The following SULT6B1 variants were observed in gnomAD, a reference collection of about 807,000 sequenced individuals.
SULT6B1 encodes sulfotransferase family 6B member 1.
In SULT6B1, 44 loss-of-function variants were observed where a neutral mutation model predicts 37.2. That is an observed-to-expected ratio of 1.18 (90% confidence interval 0.93 to 1.52). The LOEUF is 1.52. Among genes scored for constraint, SULT6B1 ranks in the 40% most tolerant of loss-of-function variants. SULT6B1 has a pLI of 0.00. For missense variants in SULT6B1, 450 were observed against 361.0 expected, an observed-to-expected ratio of 1.25 and a Z score of -2.00; for synonymous variants, 140 against 126.0, an observed-to-expected ratio of 1.11 and a Z score of -0.74.
chr2:37,171,678 C>T, intron 5 of SULT6B1, 88 bp from the exon 6 acceptor site: 1 of 1,255,974 alleles, frequency 8.0e-7, no homozygotes, highest in Non-Finnish European at 1.1e-6. Flanking sequence ...CAGAGTTATT[C>T]AGCCTAACTC....
chr2:37,169,634 G>A (rs919941537), intron 6 of SULT6B1, among the ~76,000 whole-genome samples: 28 of 152,096 alleles, frequency 1.8e-4, no homozygotes, highest in Non-Finnish European at 3.1e-4. Flanking sequence ...AATTACAGGC[G>A]CCCGCCACCA....
At chr2:37,189,667 G>C (rs1023395071), upstream of SULT6B1, among the ~76,000 whole-genome samples, 29 of 152,152 alleles carry the variant, frequency 1.9e-4, no homozygotes, top group African/African-American at 6.0e-4. Context: ...CCCCCAGAAG[G>C]TCATACTACG....
At chr2:37,193,001 T>G (rs993599786), upstream of SULT6B1, among the ~76,000 whole-genome samples, 2 of 152,190 alleles carry the variant, frequency 1.3e-5, no homozygotes, top group Non-Finnish European at 2.9e-5. Flanking sequence ...TGAACTGTCA[T>G]ACGTATGAGT....
intron 5 of SULT6B1, among the ~76,000 whole-genome samples, chr2:37,174,543 C>G (rs1358115627): frequency 6.6e-6 from 1 of 152,274 alleles, no homozygotes; most frequent in African/African-American, 2.4e-5. Context: ...TTCCCCGTGC[C>G]TGGCCCCCCA....
upstream of SULT6B1, among the ~76,000 whole-genome samples, chr2:37,193,463 A>T (rs1676822718): frequency 6.6e-6 from 1 of 151,868 alleles, no homozygotes; most frequent in South Asian, 2.1e-4. Flanking sequence ...CTCTGTCTCA[A>T]AATATAATAA....
Position 37,175,163 on chromosome 2 carries a change from A to C in SULT6B1, c.593T>G (p.Val198Gly). ...NWNKHLDGDN[V>G]KFILYEDLKE... Reference sequence around the variant, plus strand: ...CAGGTCTTCATATAATATGAACTTAACATTGTCGCCATCAAGATGTTTGTT... The same window carrying C: ...CAGGTCTTCATATAATATGAACTTACCATTGTCGCCATCAAGATGTTTGTT... The change falls in exon 5 of 7, where the codon GTT becomes GGT. Residue 198 changes from valine to glycine, a missense_variant. Val to Gly is a moderately radical substitution (Grantham distance 109, BLOSUM62 -3). Transcript: ENST00000535679. 1.3e-6 allele frequency: 2 copies of C among 1,562,242 alleles called. No homozygotes were observed. The highest frequency in any genetic ancestry group is 1.7e-6 in the Non-Finnish European group (2 of 1,152,750).
chr2:37,177,281 T>C (rs1676450603), intron 4 of SULT6B1, among the ~76,000 whole-genome samples: 1 of 150,958 alleles, frequency 6.6e-6, no homozygotes, highest in Non-Finnish European at 1.5e-5. Context: ...AAAAATCAGC[T>C]GCGCATGGTG....
At chr2:37,179,237 C>T (rs932616897) in intron 4 of SULT6B1, among the ~76,000 whole-genome samples, 11 of 152,168 alleles carry the variant, frequency 7.2e-5, no homozygotes, top group Admixed American at 5.9e-4. Flanking sequence ...GGATTACAGG[C>T]GTGAGCCACC....
chr2:37,169,655 G>A lies in SULT6B1; in HGVS notation c.782-1590C>T, dbSNP rs565812458. ...AGGCGCCCGCCACCACGTCCAGCCC[G>A]AGCTAATTTTTATATTTTTGGTAGA... On this transcript the variant is annotated intron_variant, in intron 6 of 6. Transcript: ENST00000535679. 1.2e-4 allele frequency among the ~76,000 whole-genome samples: 18 copies of A among 152,010 alleles called. No homozygotes were observed. In the East Asian group the frequency reaches 2.7e-3, roughly 23 times the overall value.
chr2:37,168,803 C>T (rs577197793), intron 6 of SULT6B1, among the ~76,000 whole-genome samples: 24 of 152,262 alleles, frequency 1.6e-4, no homozygotes, highest in Middle Eastern at 3.4e-3. Flanking sequence ...CTGGCTGTTA[C>T]CAGTAAAGAA....
chr2:37,181,163 GTCT>G lies in SULT6B1; in HGVS notation c.403-1582_403-1580del, dbSNP rs1558448764. 9.9e-5 allele frequency among the ~76,000 whole-genome samples: 15 copies of G among 152,210 alleles called. No homozygotes were observed. In the East Asian group the frequency reaches 2.9e-3, roughly 29 times the overall value. ...GTAGAGATCAATGGGTCTGGGTCTT[GTCT>G]TGTACTTAGATCTAACACTCTTCCC... is the stretch of plus-strand genomic sequence containing the variant. On this transcript the variant is annotated intron_variant, in intron 3 of 6. Coordinates refer to ENST00000535679, the MANE Select transcript of SULT6B1 (RefSeq NM_001367551.1).
Position 37,175,168 on chromosome 2 carries a change from G to A in SULT6B1, c.588C>T (p.Asp196=). 1 of 1,563,978 alleles carries A rather than the reference G, an allele frequency of 6.4e-7. No individual in the cohort carries two copies. Among genetic ancestry groups the A allele is most frequent in the Non-Finnish European group, 8.7e-7 (1 of 1,153,284 alleles). The part of the protein sequence containing the change: ...AINWNKHLDG[D]NVKFILYEDL... ...CTTCATATAATATGAACTTAACATT[G>A]TCGCCATCAAGATGTTTGTTCCAAT... Residue 196 remains aspartate (D), a synonymous_variant, in exon 5 of 7, where the codon GAC becomes GAT. Coordinates refer to ENST00000535679, the MANE Select transcript of SULT6B1 (RefSeq NM_001367551.1).
chr2:37,183,592 G>T (rs1676603416), intron 2 of SULT6B1, 78 bp from the exon 3 acceptor site: 2 of 1,092,950 alleles, frequency 1.8e-6, no homozygotes, highest in South Asian at 1.3e-5. Flanking sequence ...TCCTAGGTTT[G>T]GTATCTAAGT....
chr2:37,192,368 A>C (rs1340888688), upstream of SULT6B1, among the ~76,000 whole-genome samples: 1 of 152,134 alleles, frequency 6.6e-6, no homozygotes, highest in Admixed American at 6.5e-5. Flanking sequence ...GAAAGAACTG[A>C]CCAGAGAGGG....
At position 37,179,386 on chromosome 2, in the gene SULT6B1, A is replaced by G. The variant is rs1558447907; in HGVS notation, c.529+72T>C. On this transcript the variant is annotated intron_variant, in intron 4 of 6. Coordinates refer to ENST00000535679, the MANE Select transcript of SULT6B1 (RefSeq NM_001367551.1). The stretch of plus-strand genomic sequence containing the variant: ...CCTAAATCTTCTTCCTTTACCCTAA[A>G]ACACATTTGGGTTTTCACATTTATG... 3.8e-6 allele frequency: 6 copies of G among 1,587,296 alleles called. No homozygotes were observed. The Admixed American group carries it at 1.1e-4, about 29-fold the overall frequency.
chr2:37,176,649 A>G (rs1676436067), intron 4 of SULT6B1, among the ~76,000 whole-genome samples: 1 of 151,968 alleles, frequency 6.6e-6, no homozygotes. Context: ...GGCAGTTTCT[A>G]TGTGTTTTAT....
At chr2:37,193,643 A>AAGAAGAAGGAGAAGAAGG (rs1194098965), upstream of SULT6B1, among the ~76,000 whole-genome samples, 8 of 132,372 alleles carry the variant, frequency 6.0e-5, no homozygotes, top group African/African-American at 2.4e-4. Flanking sequence ...GAAGAAGAAG[A>AAGAAGAAGGAGAAGAAGG]AGAAGAAGGA....
rs1676600682 is a variant in SULT6B1 at position 37,183,502 on chromosome 2, A to C, written c.325T>G (p.Phe109Val). 1 of 1,613,754 alleles carries C rather than the reference A, an allele frequency of 6.2e-7. No homozygotes were observed. Among genetic ancestry groups the C allele is most frequent in the African/African-American group, 1.3e-5 (1 of 74,914 alleles). The change falls in exon 3 of 7, where the codon TTT becomes GTT. Residue 109 changes from phenylalanine to valine, a missense_variant. By Grantham distance (50) the Phe-to-Val change is conservative. Coordinates refer to ENST00000535679, the MANE Select transcript of SULT6B1 (RefSeq NM_001367551.1). ...GTTGCCAAAATCCTTGGTGATGGAA[A>C]GCCTTTCATTCTCTTAAAAATATAC... is the stretch of plus-strand genomic sequence containing the variant. ...DSEKYQRMKG[F>V]PSPRILATHL... is the part of the protein sequence containing the mutation.
chr2:37,188,176 G>C (rs371489286), intron 1 of SULT6B1, among the ~76,000 whole-genome samples: 1 of 152,022 alleles, frequency 6.6e-6, no homozygotes, highest in Non-Finnish European at 1.5e-5. Flanking sequence ...TCCCTTCCAG[G>C]CCCGTCATCC....
Sources: gnomAD v4.1 joint callset for allele counts (sites outside exome capture counted in the v4.1 genomes callset) on GRCh38, gnomAD v4.1.1 for gene constraint, MANE v1.5 for transcripts, NCBI Gene and HGNC (gene_info 2026-07-23, HGNC 2026-07-21) for gene names.